Variants in RILPL2 observed in about 807,000 individuals in gnomAD.
RILPL2 encodes the protein RILP-like protein 2.
A neutral mutation model predicts 22.2 loss-of-function variants in RILPL2; 19 were observed. That is an observed-to-expected ratio of 0.86 (90% CI 0.60 to 1.25). The LOEUF (loss-of-function observed/expected upper bound fraction) is 1.25, where lower values mean the gene tolerates loss of function less well. RILPL2 is among the 50% of genes most tolerant of loss of function. RILPL2 has a pLI of 0.00. For synonymous variants in RILPL2, 123 were observed against 111.6 expected (o/e 1.10, Z -0.64); for missense variants, 243 against 263.6 (o/e 0.92, Z 0.54).
At chr12:123,418,748 T>TTTTC (rs1235280717) in intron 3 of RILPL2, among the ~76,000 whole-genome samples, 10 of 146,724 alleles carry the variant, frequency 6.8e-5, no homozygotes, top group South Asian at 2.2e-4. Context: ...TTCTTTTTCT[T>TTTTC]TTTCTTTCTT....
At chr12:123,420,262 T>A (rs1879242733) in intron 3 of RILPL2, among the ~76,000 whole-genome samples, 1 of 151,848 alleles carries the variant, frequency 6.6e-6, no homozygotes, top group African/African-American at 2.4e-5. Context: ...CCTGACCTCG[T>A]GATCCTCCCG....
chr12:123,429,178 C>T (rs1368653616), intron 2 of RILPL2, among the ~76,000 whole-genome samples: 1 of 151,980 alleles, frequency 6.6e-6, no homozygotes, highest in Non-Finnish European at 1.5e-5. Flanking sequence ...TTTTTAGAGA[C>T]AGGGTCTTGC....
chr12:123,412,537 G>C (rs1879001294), downstream of RILPL2: 1 of 152,152 alleles, frequency 6.6e-6, no homozygotes, highest in Non-Finnish European at 1.5e-5. Context: ...AACACTACCA[G>C]CTCTTCCTGG....
chr12:123,426,625 T>C (rs898633489), intron 2 of RILPL2, among the ~76,000 whole-genome samples: 2 of 151,240 alleles, frequency 1.3e-5, no homozygotes, highest in Admixed American at 1.3e-4. Flanking sequence ...TTTTTTGAGA[T>C]GGAGTCTCGC....
In RILPL2 at chr12:123,423,135, C is replaced by A; in HGVS notation, c.514G>T (p.Gly172Cys). The change falls in exon 3 of 4, where the codon GGC becomes TGC. Residue 172 changes from glycine (G) to cysteine (C), a missense_variant. Gly to Cys is a radical substitution (Grantham distance 159). Coordinates refer to ENST00000280571, the MANE Select transcript of RILPL2 (RefSeq NM_145058.3). ...TCTTTTTCTCTTCTTCCTCCTGGGC[C>A]TTCTCTTGGTGGAATCAGGCCACTG... is the stretch of plus-strand genomic sequence containing the variant. ...YKSGLIPPRE[G>C]PGGRREKDAV... 2 of 1,612,528 alleles carry A rather than the reference C, an allele frequency of 1.2e-6. No individual in the cohort carries two copies. The highest frequency in any genetic ancestry group is 2.2e-5 in the South Asian group (2 of 90,972).
rs920557210 is a variant in RILPL2, at chr12:123,436,576, C to G, written c.-156G>C. 1 of 1,230,892 alleles carries G rather than the reference C, an allele frequency of 8.1e-7. No homozygotes were observed. The highest frequency in any genetic ancestry group is 1.1e-6 in the Non-Finnish European group (1 of 914,504). The allele number at this position is 1,230,892 out of a possible 1,614,324, so 76.2% of individuals were successfully genotyped here. On this transcript the variant is annotated 5_prime_UTR_variant, in exon 1 of 4. Transcript: ENST00000280571. This position sits in a 1 kb window ranked among gnomAD's most constrained non-coding sequence, Gnocchi z 6.7. ...GGCCCGGGGGGATGGTGCAAGGGGC[C>G]GCGCACGCGACTCTTGGGCCTGCGC...
chr12:123,433,401 G>C (rs1048881945), intron 1 of RILPL2, among the ~76,000 whole-genome samples: 3 of 151,900 alleles, frequency 2.0e-5, no homozygotes, highest in Non-Finnish European at 1.5e-5. Flanking sequence ...GCCCAGCCTT[G>C]GTTTGTATAC....
At chr12:123,435,997 G>T (rs1289463531) in intron 1 of RILPL2, 85 bp downstream of exon 1, 2 of 1,467,456 alleles carry the variant, frequency 1.4e-6, no homozygotes. Context: ...GAAGAGAAAA[G>T]AAAAGGAAGG....
intron 2 of RILPL2, among the ~76,000 whole-genome samples, chr12:123,426,000 G>A (rs1879433956): frequency 6.6e-6 from 1 of 151,830 alleles, no homozygotes; most frequent in Non-Finnish European, 1.5e-5. Flanking sequence ...TTTGAGACAG[G>A]GTCTTGATCC....
At chr12:123,429,546 C>G (rs942280548) in intron 2 of RILPL2, among the ~76,000 whole-genome samples, 21 of 151,984 alleles carry the variant, frequency 1.4e-4, no homozygotes, top group Admixed American at 7.2e-4. Flanking sequence ...CTGCCCGCCT[C>G]GGCCTCCCAA....
chr12:123,436,145 C>T lies in RILPL2; in HGVS notation c.276G>A (p.Glu92=). 2.5e-6 allele frequency: 4 copies of T among 1,602,688 alleles called. No homozygotes were observed. The highest frequency in any genetic ancestry group is 3.4e-6 in the Non-Finnish European group (4 of 1,175,174). The change falls in exon 1 of 4, where the codon GAG becomes GAA. Residue 92 remains glutamate (E), a synonymous_variant. Transcript: ENST00000280571. This position sits in a 1 kb window ranked among gnomAD's most constrained non-coding sequence, Gnocchi z 6.7. ...CCACCTCCTTCCTGAGGTGGTCCCT[C>T]TCCATCTTCAGCTCCTCCAGCGCCA... The part of the protein sequence containing the change: ...GSLALEELKM[E]RDHLRKEVEG...
At chr12:123,431,957 T>G (rs1215370007) in intron 1 of RILPL2, among the ~76,000 whole-genome samples, 1 of 151,848 alleles carries the variant, frequency 6.6e-6, no homozygotes. Flanking sequence ...TGCGGTGGCA[T>G]GATCTCAGCT....
intron 2 of RILPL2, among the ~76,000 whole-genome samples, chr12:123,425,615 C>T (rs1293976087): frequency 6.6e-6 from 1 of 151,680 alleles, no homozygotes; most frequent in East Asian, 1.9e-4. Flanking sequence ...CCTCCTTCTT[C>T]ATAAAAGAGT....
At chr12:123,414,515 G>C (rs1402319053), downstream of RILPL2, 2 of 152,718 alleles carry the variant, frequency 1.3e-5, no homozygotes, top group African/African-American at 4.8e-5. Flanking sequence ...CTCCCTGCAA[G>C]CTGAGGGAGC....
At position 123,436,621 on chromosome 12, in the gene RILPL2, T is replaced by G. The variant is rs568138935; in HGVS notation, c.-201A>C. ...CTGCGCCCCGGCGCACCGTCCCCGC[T>G]GCCAGCCACGCTGGAGAGTGCGCTC... On this transcript the variant is annotated 5_prime_UTR_variant, in exon 1 of 4. Transcript: ENST00000280571. The surrounding 1 kb of genome is among the most constrained non-coding windows in gnomAD (Gnocchi z 6.7). 1.2e-6 allele frequency: 1 copy of G among 842,456 alleles called. No homozygotes were observed. The highest frequency in any genetic ancestry group is 1.8e-6 in the Non-Finnish European group (1 of 560,490). 52.2% of individuals were successfully genotyped at this position (842,456 alleles called of 1,614,324 possible). A position where few individuals can be genotyped will look rare whatever the true frequency, so the allele number is the denominator to read the frequency against.
intron 2 of RILPL2, 45 bp from the exon 3 acceptor site, chr12:123,423,202 CGTTTT>C: frequency 1.2e-6 from 1 of 862,906 alleles, no homozygotes; most frequent in East Asian, 2.9e-5. Context: ...TATTACAGAT[CGTTTT>C]TTTTTTTTTT....
In RILPL2 at chr12:123,436,003, G is replaced by T. The variant is rs1879782734; in HGVS notation, c.339+79C>A. 6.8e-7 allele frequency: 1 copy of T among 1,478,298 alleles called. No individual in the cohort carries two copies. The highest frequency in any genetic ancestry group is 1.3e-5 in the South Asian group (1 of 76,390). The allele number at this position is 1,478,298 out of a possible 1,614,324, so 91.6% of individuals were successfully genotyped here. A position where few individuals can be genotyped will look rare whatever the true frequency, so the allele number is the denominator to read the frequency against. ...GAGAAAAGAGAAGAGAAAAGAAAAG[G>T]AAGGCGTCTCCCTGCCAGTAGGTGC... is the stretch of plus-strand genomic sequence containing the variant. On this transcript the variant is annotated intron_variant, in intron 1 of 3. Transcript: ENST00000280571. The surrounding 1 kb of genome is among the most constrained non-coding windows in gnomAD (Gnocchi z 6.7).
At chr12:123,410,518 A>G (rs980502298), downstream of RILPL2, among the ~76,000 whole-genome samples, 2 of 152,116 alleles carry the variant, frequency 1.3e-5, no homozygotes, top group Non-Finnish European at 2.9e-5. Flanking sequence ...TCCTCCCCCA[A>G]AGATTCAGGC....
chr12:123,417,298 C>CA (rs71737939), intron 3 of RILPL2, among the ~76,000 whole-genome samples: 10,113 of 127,016 alleles, frequency 0.08, 465 homozygotes, highest in African/African-American at 0.13. Flanking sequence ...GACCCCATCT[C>CA]AAAAAAAAAA....
Sources: allele counts gnomAD v4.1 joint callset (sites outside exome capture counted in the v4.1 genomes callset), GRCh38; gene constraint gnomAD v4.1.1; non-coding constraint Gnocchi (gnomAD v3.1); transcripts MANE v1.5; gene names NCBI Gene and HGNC (gene_info 2026-07-23, HGNC 2026-07-21).